Variants in ACSM4 observed in about 807,000 individuals in gnomAD.
The protein encoded by ACSM4 is acyl-CoA synthetase medium chain family member 4.
ACSM4 carries 66 observed loss-of-function variants against 73.0 expected under a neutral mutation model. The observed-to-expected ratio is 0.90, with a 90% CI of 0.74 to 1.11. The LOEUF is 1.11. Ranked by LOEUF, ACSM4 falls within the 50% of genes least tolerant of loss-of-function variation. The pLI is 0.00. For missense variants in ACSM4, 645 were observed against 714.4 expected, an observed-to-expected ratio of 0.90 and a Z score of 1.11; for synonymous variants, 222 against 254.0, an observed-to-expected ratio of 0.87 and a Z score of 1.20.
Position 7,310,640 on chromosome 12 carries a change from G to T in ACSM4, c.514G>T (p.Ala172Ser), listed in dbSNP as rs1351178124. ...GTGCATTGTGGCCAGTGAGGAGGTG[G>T]CCCCAGCGGTGGAGTCCATTGTATT... ...AKCIVASEEVAPAVESIVLEC... is the reference protein window; with the variant it reads ...AKCIVASEEVSPAVESIVLEC... The change falls in exon 3 of 13, where the codon GCC becomes TCC. Residue 172 changes from alanine to serine, a missense_variant. Physicochemically the swap from Ala to Ser is moderately conservative, Grantham distance 99. Transcript: ENST00000399422. 1.9e-6 allele frequency: 3 copies of T among 1,613,166 alleles called. No homozygotes were observed. The highest frequency in any genetic ancestry group is 3.3e-5 in the Admixed American group (2 of 59,940).
At position 7,323,499 on chromosome 12, in the gene ACSM4, A is replaced by C. The variant is rs777225407; in HGVS notation, c.1247A>C (p.Glu416Ala). ...GGCAATGTTCTACCACCTGGCAAAG[A>C]AGGGGAAATTGCCCTCAGACTCAAA... Reference protein sequence around the residue: ...ENGNVLPPGKEGEIALRLKPT... With the variant: ...ENGNVLPPGKAGEIALRLKPT... Residue 416 changes from glutamate to alanine, a missense_variant, in exon 9 of 13, where the codon GAA (glutamate) becomes GCA (alanine). Coordinates refer to ENST00000399422, the MANE Select transcript of ACSM4 (RefSeq NM_001080454.2). The C allele has an allele frequency of 2.5e-6, 4 of 1,613,820 alleles. No homozygotes were observed. In the South Asian group the frequency reaches 4.4e-5, roughly 18 times the overall value.
chr12:7,315,482 A>G (rs1946415530), intron 3 of ACSM4, among the ~76,000 whole-genome samples: 1 of 150,652 alleles, frequency 6.6e-6, no homozygotes, highest in African/African-American at 2.4e-5. Flanking sequence ...GTCGTGGTGC[A>G]TTGTCTGTAG....
chr12:7,308,644 T>C (rs1168179988), intron 2 of ACSM4, among the ~76,000 whole-genome samples: 1 of 152,188 alleles, frequency 6.6e-6, no homozygotes, highest in African/African-American at 2.4e-5. Flanking sequence ...TAAGAACAAG[T>C]GGTTTGTAAA....
At chr12:7,316,995 C>A in intron 3 of ACSM4, 142 bp from the exon 4 acceptor site, 1 of 1,045,206 alleles carries the variant, frequency 9.6e-7, no homozygotes, top group Non-Finnish European at 1.3e-6. Context: ...TGAGGAATTC[C>A]TCTCAGGAAA....
rs755353296 is a variant in ACSM4 at position 7,306,696 on chromosome 12, C to G, written c.365C>G (p.Pro122Arg). ...QRGDRLAVIL[P>R]RIPEWWLVNV... is the part of the protein sequence containing the mutation. ...GGAGACCGTTTGGCCGTGATTCTGC[C>G]CAGAATCCCTGAGTGGTGGCTGGTC... Residue 122 changes from proline to arginine, a missense_variant, in exon 2 of 13, where the codon CCC becomes CGC. Physicochemically the swap from Pro to Arg is moderately radical, Grantham distance 103. Coordinates refer to ENST00000399422, the MANE Select transcript of ACSM4 (RefSeq NM_001080454.2). 1.2e-6 allele frequency: 2 copies of G among 1,611,754 alleles called. No individual in the cohort carries two copies. Among genetic ancestry groups the G allele is most frequent in the Non-Finnish European group, 1.7e-6 (2 of 1,179,142 alleles).
At chr12:7,323,147 C>A in intron 7 of ACSM4, 87 bp from the exon 8 acceptor site, 1 of 1,313,086 alleles carries the variant, frequency 7.6e-7, no homozygotes, top group Non-Finnish European at 1.1e-6. Context: ...GAAAATCAGT[C>A]AAAATCAAAT....
At chr12:7,317,077 A>G (rs1368271915) in intron 3 of ACSM4, 60 bp from the exon 4 acceptor site, 2 of 1,552,324 alleles carry the variant, frequency 1.3e-6, no homozygotes, top group Non-Finnish European at 8.7e-7. Context: ...AGCAGAGGAA[A>G]TATCAGAGTC....
At chr12:7,307,765 C>T (rs1946369867) in intron 2 of ACSM4, among the ~76,000 whole-genome samples, 1 of 152,194 alleles carries the variant, frequency 6.6e-6, no homozygotes, top group African/African-American at 2.4e-5. Context: ...CCGTCTATGG[C>T]TCCCTTTGTT....
intron 7 of ACSM4, 67 bp from the exon 8 acceptor site, chr12:7,323,167 C>T: frequency 7.1e-7 from 1 of 1,406,452 alleles, no homozygotes; most frequent in Non-Finnish European, 9.7e-7. Flanking sequence ...TCTTAATTTT[C>T]ATTGCCATGA....
intron 2 of ACSM4, among the ~76,000 whole-genome samples, chr12:7,307,972 TTATTAA>T (rs1484465622): frequency 3.9e-5 from 6 of 152,208 alleles, no homozygotes; most frequent in Non-Finnish European, 8.8e-5. Context: ...TGTTGCAATG[TTATTAA>T]TAGTAATAGA....
chr12:7,324,662 T>C (rs750676976), intron 11 of ACSM4, 64 bp downstream of exon 11: 4 of 1,539,660 alleles, frequency 2.6e-6, no homozygotes, highest in Non-Finnish European at 3.6e-6. Flanking sequence ...ATTTGACCAC[T>C]GTAAAGGCTG....
intron 3 of ACSM4, 129 bp from the exon 4 acceptor site, chr12:7,317,008 T>C (rs985681039): frequency 3.0e-5 from 36 of 1,181,448 alleles, no homozygotes; most frequent in Non-Finnish European, 3.8e-5. Context: ...TCAGGAAAGC[T>C]TTGGATTAGG....
chr12:7,321,232 T>G (rs1217535727), intron 6 of ACSM4, among the ~76,000 whole-genome samples: 1 of 152,028 alleles, frequency 6.6e-6, no homozygotes, highest in Non-Finnish European at 1.5e-5. Context: ...CATTTAGAAC[T>G]CAAAAAAGAA....
At chr12:7,326,301 C>T (rs994330874) in intron 11 of ACSM4, among the ~76,000 whole-genome samples, 5 of 152,142 alleles carry the variant, frequency 3.3e-5, no homozygotes, top group African/African-American at 1.2e-4. Context: ...AACTGCTGGG[C>T]TCAGTCGATC....
intron 12 of ACSM4, among the ~76,000 whole-genome samples, chr12:7,327,887 C>T (rs80177919): frequency 0.033 from 5,078 of 152,164 alleles, 111 homozygotes; most frequent in Middle Eastern, 0.061. Context: ...ACTGTATATA[C>T]TCCAAATTAT....
At chr12:7,324,146 ACT>A (rs958281734) in intron 9 of ACSM4, 125 bp from the exon 10 acceptor site, 1 of 1,118,372 alleles carries the variant, frequency 8.9e-7, no homozygotes, top group Admixed American at 2.8e-5. Flanking sequence ...ACAGAGAGAG[ACT>A]CTGTCTCAAA....
chr12:7,307,301 G>C (rs1330244667), intron 2 of ACSM4, among the ~76,000 whole-genome samples: 1 of 152,030 alleles, frequency 6.6e-6, no homozygotes, highest in Non-Finnish European at 1.5e-5. Context: ...CAATTAGAAA[G>C]CTATTCTATT....
chr12:7,323,891 T>A (rs1405906106), intron 9 of ACSM4, among the ~76,000 whole-genome samples: 1 of 152,084 alleles, frequency 6.6e-6, no homozygotes, highest in African/African-American at 2.4e-5. Flanking sequence ...AAAATTTAAT[T>A]TCCAGCCAGG....
chr12:7,315,754 A>C (rs564555271), intron 3 of ACSM4, among the ~76,000 whole-genome samples: 1 of 152,318 alleles, frequency 6.6e-6, no homozygotes, highest in South Asian at 2.1e-4. Flanking sequence ...TTTGCTCATG[A>C]GTCCATGGGT....
Sources: gnomAD v4.1 joint callset for allele counts (sites outside exome capture counted in the v4.1 genomes callset) on GRCh38, gnomAD v4.1.1 for gene constraint, MANE v1.5 for transcripts, NCBI Gene and HGNC (gene_info 2026-07-23, HGNC 2026-07-21) for gene names.